The following JPH1 variants were observed in gnomAD, a reference collection of about 807,000 sequenced individuals.
JPH1 encodes the protein junctophilin 1.
In JPH1, 12 loss-of-function variants were observed where a neutral mutation model predicts 53.6. The observed-to-expected ratio is 0.22, with a 90% CI of 0.14 to 0.36. JPH1 has a LOEUF of 0.36. Ranked by LOEUF, JPH1 falls within the 10% of genes least tolerant of loss-of-function variation. The pLI, the probability that JPH1 is intolerant of heterozygous loss-of-function variation, is 1.00. For synonymous variants in JPH1, 375 were observed against 363.8 expected (o/e 1.03, Z -0.35); for missense variants, 808 against 905.5 (o/e 0.89, Z 1.38).
At chr8:74,260,270 T>G (rs1348013823) in intron 2 of JPH1, among the ~76,000 whole-genome samples, 1 of 152,218 alleles carries the variant, frequency 6.6e-6, no homozygotes, top group Non-Finnish European at 1.5e-5. Flanking sequence ...CTCCCTGGCC[T>G]GTCCTCACTC....
intron 2 of JPH1, among the ~76,000 whole-genome samples, chr8:74,302,884 T>C (rs1023029253): frequency 2.0e-5 from 3 of 151,444 alleles, no homozygotes; most frequent in Admixed American, 6.6e-5. Flanking sequence ...ACTAAATAAA[T>C]GTTTGCCAAA....
intron 2 of JPH1, among the ~76,000 whole-genome samples, chr8:74,291,997 TG>T (rs1348936240): frequency 1.3e-5 from 2 of 151,450 alleles, no homozygotes; most frequent in African/African-American, 2.4e-5. Context: ...GTACACAGAG[TG>T]GGGAACATCA....
chr8:74,260,854 A>G (rs1806376746), intron 2 of JPH1, among the ~76,000 whole-genome samples: 1 of 152,222 alleles, frequency 6.6e-6, no homozygotes, highest in African/African-American at 2.4e-5. Context: ...GCAAGCCTGA[A>G]GGCTTGATGT....
At chr8:74,304,465 G>A (rs1179455564) in intron 2 of JPH1, among the ~76,000 whole-genome samples, 1 of 152,164 alleles carries the variant, frequency 6.6e-6, no homozygotes, top group African/African-American at 2.4e-5. Flanking sequence ...AAATGAGGGG[G>A]CAGTAAGCCC....
At chr8:74,249,755 G>C (rs1805982381) in intron 3 of JPH1, among the ~76,000 whole-genome samples, 1 of 152,158 alleles carries the variant, frequency 6.6e-6, no homozygotes, top group Admixed American at 6.5e-5. Flanking sequence ...ACATATTAAT[G>C]ATAGGCCTAG....
intron 2 of JPH1, among the ~76,000 whole-genome samples, chr8:74,286,311 C>T (rs992847376): frequency 2.0e-5 from 3 of 152,108 alleles, no homozygotes; most frequent in African/African-American, 4.8e-5. Context: ...TGATTGTACA[C>T]ATTTATGGGG....
chr8:74,317,309 C>A (rs1808192807), intron 1 of JPH1, among the ~76,000 whole-genome samples: 1 of 152,192 alleles, frequency 6.6e-6, no homozygotes. Context: ...GGGTCTGGTA[C>A]TGTAAATGTC....
At chr8:74,309,589 TTAAA>T (rs1807931259) in intron 2 of JPH1, among the ~76,000 whole-genome samples, 1 of 152,248 alleles carries the variant, frequency 6.6e-6, no homozygotes, top group African/African-American at 2.4e-5. Flanking sequence ...GATTCTTTCT[TTAAA>T]TATTTTTCTC....
At position 74,272,084 on chromosome 8, in the gene JPH1, T is replaced by C. The variant is rs1342289921; in HGVS notation, c.1140-12581A>G. On this transcript the variant is annotated intron_variant, in intron 2 of 5. Coordinates refer to ENST00000342232, the MANE Select transcript of JPH1 (RefSeq NM_020647.4). ...TTACGCATGTCCTGCTGTCCTTGTC[T>C]TCCTAGTAACACTTCTCCAGGTTTC... 3.9e-5 allele frequency among the ~76,000 whole-genome samples: 6 copies of C among 152,328 alleles called. No individual in the cohort carries two copies. The South Asian group carries it at 1.2e-3, about 32-fold the overall frequency.
intron 2 of JPH1, among the ~76,000 whole-genome samples, chr8:74,262,448 C>T (rs1207612771): frequency 6.6e-6 from 1 of 152,152 alleles, no homozygotes; most frequent in Non-Finnish European, 1.5e-5. Flanking sequence ...GCTGAAACCA[C>T]TCAAACTGGA....
intron 2 of JPH1, among the ~76,000 whole-genome samples, chr8:74,263,082 T>C (rs1806437695): frequency 6.6e-6 from 1 of 152,220 alleles, no homozygotes; most frequent in African/African-American, 2.4e-5. Context: ...TACTCAATCA[T>C]ACATGGAACA....
At chr8:74,281,465 G>C (rs1807015352) in intron 2 of JPH1, among the ~76,000 whole-genome samples, 1 of 152,200 alleles carries the variant, frequency 6.6e-6, no homozygotes, top group Non-Finnish European at 1.5e-5. Context: ...AATTATTTCA[G>C]TTGGACAGAC....
intron 2 of JPH1, 73 bp downstream of exon 2, chr8:74,314,788 T>G (rs889058377): frequency 2.5e-5 from 38 of 1,525,748 alleles, no homozygotes; most frequent in Non-Finnish European, 2.9e-5. Context: ...CACTGGCAGA[T>G]AGACAAACAT....
intron 2 of JPH1, among the ~76,000 whole-genome samples, chr8:74,306,956 A>T (rs1807854587): frequency 6.6e-6 from 1 of 152,008 alleles, no homozygotes; most frequent in Non-Finnish European, 1.5e-5. Flanking sequence ...TCTTCAGAAT[A>T]GTACCTGGGG....
intron 2 of JPH1, among the ~76,000 whole-genome samples, chr8:74,307,097 T>G (rs1807860022): frequency 6.6e-6 from 1 of 152,162 alleles, no homozygotes; most frequent in South Asian, 2.1e-4. Context: ...GTGGTAAAGC[T>G]CTGTAGATTT....
intron 2 of JPH1, among the ~76,000 whole-genome samples, chr8:74,281,377 C>A: frequency 6.6e-6 from 1 of 152,110 alleles, no homozygotes; most frequent in Non-Finnish European, 1.5e-5. Context: ...ATAGTAGGAG[C>A]AAAAATCCTA....
At chr8:74,284,700 CT>C (rs763859047) in intron 2 of JPH1, among the ~76,000 whole-genome samples, 1 of 151,042 alleles carries the variant, frequency 6.6e-6, no homozygotes, top group South Asian at 2.1e-4. Flanking sequence ...GTTCTTAAGG[CT>C]TTTTTCCCCC....
At chr8:74,282,957 TAATA>T (rs1807054793) in intron 2 of JPH1, among the ~76,000 whole-genome samples, 1 of 152,234 alleles carries the variant, frequency 6.6e-6, no homozygotes, top group African/African-American at 2.4e-5. Flanking sequence ...CATTTAAACA[TAATA>T]AATGAATTTA....
At chr8:74,261,087 C>T (rs1057039402) in intron 2 of JPH1, among the ~76,000 whole-genome samples, 5 of 151,942 alleles carry the variant, frequency 3.3e-5, no homozygotes, top group Non-Finnish European at 7.4e-5. Context: ...GCTAAGAGTT[C>T]GGGGTGTAGT....
Sources: allele counts gnomAD v4.1 joint callset (sites outside exome capture counted in the v4.1 genomes callset), GRCh38; gene constraint gnomAD v4.1.1; transcripts MANE v1.5; gene names NCBI Gene and HGNC (gene_info 2026-07-23, HGNC 2026-07-21).